The following ZRANB3 variants were observed in gnomAD, a reference collection of about 807,000 sequenced individuals.
ZRANB3 encodes zinc finger RANBP2-type containing 3, also known as DNA annealing helicase and endonuclease ZRANB3.
Under a neutral mutation model 133.8 loss-of-function variants are expected in ZRANB3, and 125 were observed. That is an observed-to-expected ratio of 0.93 (90% CI 0.81 to 1.08). The LOEUF is 1.08. ZRANB3 is among the 50% of genes least tolerant of loss of function. The pLI is 0.00. For missense variants in ZRANB3, 1,229 were observed against 1,275.5 expected (o/e 0.96, Z 0.56); for synonymous variants, 387 against 432.7 (o/e 0.89, Z 1.31).
intron 2 of ZRANB3, among the ~76,000 whole-genome samples, chr2:135,395,951 G>T (rs1687469997): frequency 6.6e-6 from 1 of 152,018 alleles, no homozygotes. Context: ...GAATAAAGAA[G>T]AAGCTCAAAC....
intron 1 of ZRANB3, among the ~76,000 whole-genome samples, chr2:135,515,974 C>T (rs1450944803): frequency 6.6e-6 from 1 of 152,098 alleles, no homozygotes; most frequent in African/African-American, 2.4e-5. Flanking sequence ...GTATTGGGTG[C>T]ATATATATTT....
intron 8 of ZRANB3, among the ~76,000 whole-genome samples, chr2:135,289,386 G>C (rs1375700194): frequency 6.6e-6 from 1 of 152,102 alleles, no homozygotes; most frequent in Admixed American, 6.6e-5. Context: ...CTCCCAAGCA[G>C]CTGGGATTAT....
intron 2 of ZRANB3, among the ~76,000 whole-genome samples, chr2:135,417,104 A>T (rs992630834): frequency 1.2e-4 from 18 of 152,360 alleles, no homozygotes; most frequent in African/African-American, 3.4e-4. Flanking sequence ...GCCAAAATTG[A>T]CAAATGGGAT....
At chr2:135,219,319 T>C in intron 15 of ZRANB3, 141 bp from the exon 16 acceptor site, 1 of 578,366 alleles carries the variant, frequency 1.7e-6, no homozygotes, top group East Asian at 3.4e-5. Context: ...TAGACAAGGG[T>C]CCACCAAAAT....
intron 9 of ZRANB3, 90 bp from the exon 10 acceptor site, chr2:135,271,977 C>A (rs1442164730): frequency 2.3e-6 from 3 of 1,329,286 alleles, no homozygotes; most frequent in Non-Finnish European, 1.9e-6. Flanking sequence ...TTTATGGTCA[C>A]ATAACAAAAT....
At chr2:135,494,528 A>C (rs1038893924) in intron 2 of ZRANB3, among the ~76,000 whole-genome samples, 3 of 152,198 alleles carry the variant, frequency 2.0e-5, no homozygotes, top group African/African-American at 7.2e-5. Context: ...AAATCAGAGA[A>C]GGAGCAGCAT....
intron 2 of ZRANB3, among the ~76,000 whole-genome samples, chr2:135,485,662 G>C (rs767923825): frequency 2.0e-5 from 3 of 152,200 alleles, no homozygotes; most frequent in Admixed American, 2.0e-4. Context: ...TTCCGTTCCA[G>C]ATCACGTCAA....
chr2:135,489,705 A>G (rs937265184), intron 2 of ZRANB3, among the ~76,000 whole-genome samples: 4 of 151,898 alleles, frequency 2.6e-5, no homozygotes, highest in African/African-American at 9.6e-5. Context: ...AGGTACTACT[A>G]AAATAGGAAA....
chr2:135,383,350 A>T (rs1233938053), intron 3 of ZRANB3, among the ~76,000 whole-genome samples: 1 of 152,102 alleles, frequency 6.6e-6, no homozygotes, highest in Non-Finnish European at 1.5e-5. Context: ...ATAAAACAAG[A>T]CCTTAGAGAT....
intron 2 of ZRANB3, among the ~76,000 whole-genome samples, chr2:135,498,045 T>C (rs1692759326): frequency 6.6e-6 from 1 of 151,118 alleles, no homozygotes; most frequent in South Asian, 2.1e-4. Flanking sequence ...AGCGAGACTC[T>C]GTCTCTAAAA....
chr2:135,501,838 C>T (rs1229009485), intron 2 of ZRANB3, among the ~76,000 whole-genome samples: 1 of 152,110 alleles, frequency 6.6e-6, no homozygotes, highest in Non-Finnish European at 1.5e-5. Flanking sequence ...ACGTCTCTCC[C>T]GTGCACCACA....
intron 1 of ZRANB3, among the ~76,000 whole-genome samples, chr2:135,512,251 T>C (rs982164272): frequency 3.3e-5 from 5 of 152,210 alleles, no homozygotes; most frequent in African/African-American, 7.2e-5. Flanking sequence ...TAGGTCAAGA[T>C]AGTGTTTTTG....
chr2:135,406,939 C>G (rs1688063183), intron 2 of ZRANB3, among the ~76,000 whole-genome samples: 1 of 152,168 alleles, frequency 6.6e-6, no homozygotes. Context: ...TCTCACCACT[C>G]CTATTCAACA....
chr2:135,460,095 G>C (rs1305008818), intron 2 of ZRANB3, among the ~76,000 whole-genome samples: 1 of 152,128 alleles, frequency 6.6e-6, no homozygotes, highest in Non-Finnish European at 1.5e-5. Flanking sequence ...GGTGTGGAAA[G>C]AGGGTCAGGA....
chr2:135,516,042 C>G (rs1434815380), intron 1 of ZRANB3, among the ~76,000 whole-genome samples: 1 of 151,950 alleles, frequency 6.6e-6, no homozygotes, highest in South Asian at 2.1e-4. Flanking sequence ...ATGCCCTTAT[C>G]TCTTTTGATC....
chr2:135,252,279 C>A (rs1036543949), intron 12 of ZRANB3, among the ~76,000 whole-genome samples: 1 of 152,038 alleles, frequency 6.6e-6, no homozygotes, highest in African/African-American at 2.4e-5. Flanking sequence ...ATAATATGTA[C>A]AACAAACCCC....
At chr2:135,478,531 T>A (rs1691607422) in intron 2 of ZRANB3, among the ~76,000 whole-genome samples, 1 of 152,192 alleles carries the variant, frequency 6.6e-6, no homozygotes, top group Non-Finnish European at 1.5e-5. Context: ...ATTAGTATCT[T>A]ATATAACTCT....
intron 4 of ZRANB3, among the ~76,000 whole-genome samples, chr2:135,350,984 G>A (rs1382361978): frequency 1.3e-5 from 2 of 152,136 alleles, no homozygotes; most frequent in Non-Finnish European, 2.9e-5. Context: ...GGTAAGGGCA[G>A]GGAATGTGTC....
intron 6 of ZRANB3, among the ~76,000 whole-genome samples, chr2:135,327,666 TTA>T (rs1388510515): frequency 1.3e-5 from 2 of 152,294 alleles, no homozygotes; most frequent in East Asian, 3.9e-4. Flanking sequence ...CACTGTTTAG[TTA>T]TGTGATTTGA....
Sources: gnomAD v4.1 joint callset for allele counts (sites outside exome capture counted in the v4.1 genomes callset) on GRCh38, gnomAD v4.1.1 for gene constraint, MANE v1.5 for transcripts, NCBI Gene and HGNC (gene_info 2026-07-23, HGNC 2026-07-21) for gene names.